VCL: variants seen among roughly 807,000 people sequenced by gnomAD.
VCL encodes the protein vinculin.
VCL carries 47 observed loss-of-function variants against 125.7 expected under a neutral mutation model. The observed-to-expected ratio is 0.37, with a 90% confidence interval of 0.30 to 0.48. VCL has a LOEUF of 0.48. VCL is among the 20% of genes least tolerant of loss of function. The pLI is 0.99. For missense variants in VCL, 1,069 were observed against 1,455.5 expected (o/e 0.73, Z 4.32); for synonymous variants, 458 against 514.6 (o/e 0.89, Z 1.49).
At chr10:74,007,123 C>T (rs149048720) in intron 1 of VCL, among the ~76,000 whole-genome samples, 1 of 152,190 alleles carries the variant, frequency 6.6e-6, no homozygotes, top group East Asian at 1.9e-4. Flanking sequence ...CCATCATGCC[C>T]AACTATTTTT....
intron 10 of VCL, among the ~76,000 whole-genome samples, chr10:74,091,465 A>G (rs1486919374): frequency 6.6e-6 from 1 of 152,164 alleles, no homozygotes; most frequent in East Asian, 1.9e-4. Flanking sequence ...ATAAAAATTT[A>G]GAATCATAAA....
chr10:74,054,885 C>T (rs528280269), intron 2 of VCL, among the ~76,000 whole-genome samples: 45 of 151,992 alleles, frequency 3.0e-4, no homozygotes, highest in African/African-American at 1.0e-3. Flanking sequence ...CACGCCATTG[C>T]ACTTCAGCCT....
chr10:74,108,129 C>A (rs529315752), intron 17 of VCL, among the ~76,000 whole-genome samples: 9 of 152,312 alleles, frequency 5.9e-5, no homozygotes, highest in African/African-American at 1.9e-4. Context: ...AGCTAAGGAA[C>A]AGTGTTTCCC....
chr10:74,109,293 T>C (rs1426458281), intron 18 of VCL, 137 bp downstream of exon 18: 26 of 1,098,362 alleles, frequency 2.4e-5, no homozygotes, highest in African/African-American at 4.7e-5. Context: ...CAATAGCATA[T>C]TCCTCTTCTT....
chr10:74,100,365 T>C (rs530820721), intron 13 of VCL, among the ~76,000 whole-genome samples: 1 of 152,366 alleles, frequency 6.6e-6, no homozygotes, highest in Admixed American at 6.5e-5. Flanking sequence ...TTAATAAAAG[T>C]CAGTCATCCT....
intron 2 of VCL, among the ~76,000 whole-genome samples, chr10:74,051,433 C>G (rs1456120428): frequency 6.6e-6 from 1 of 152,176 alleles, no homozygotes; most frequent in Non-Finnish European, 1.5e-5. Context: ...GATGGGATTT[C>G]AGCATGTTGG....
chr10:74,103,779 C>T (rs750526665), intron 14 of VCL, 41 bp from the exon 15 acceptor site: 2 of 1,580,154 alleles, frequency 1.3e-6, no homozygotes, highest in Non-Finnish European at 1.7e-6. Context: ...ATCTGGAGAG[C>T]AAGGGTGCTC....
intron 15 of VCL, among the ~76,000 whole-genome samples, chr10:74,104,445 T>C (rs1314691762): frequency 6.6e-6 from 1 of 152,152 alleles, no homozygotes; most frequent in African/African-American, 2.4e-5. Flanking sequence ...CACCTCTGAA[T>C]CGTCTTCATT....
At chr10:74,095,975 G>C (rs532500800) in intron 12 of VCL, 120 bp downstream of exon 12, 216 of 1,233,924 alleles carry the variant, frequency 1.8e-4, no homozygotes, top group Middle Eastern at 2.7e-4. Flanking sequence ...AATGAAAAGA[G>C]TGTGACCAAA....
intron 1 of VCL, among the ~76,000 whole-genome samples, chr10:74,008,474 C>T (rs1204049632): frequency 2.0e-5 from 3 of 152,102 alleles, no homozygotes; most frequent in Non-Finnish European, 4.4e-5. Flanking sequence ...TTGGGAGTGC[C>T]TTTTTAAAAT....
chr10:74,112,534 G>C (rs1840242617), intron 19 of VCL, among the ~76,000 whole-genome samples: 1 of 152,166 alleles, frequency 6.6e-6, no homozygotes, highest in South Asian at 2.1e-4. Context: ...AGGGAGAGTT[G>C]ATGAGGGGGA....
chr10:74,059,255 A>G (rs565732812), intron 2 of VCL, among the ~76,000 whole-genome samples: 1 of 152,146 alleles, frequency 6.6e-6, no homozygotes, highest in East Asian at 1.9e-4. Flanking sequence ...CTGGGAGGCT[A>G]AGGCTTGAGA....
intron 8 of VCL, 101 bp downstream of exon 8, chr10:74,083,614 C>A: frequency 1.4e-6 from 2 of 1,421,848 alleles, no homozygotes; most frequent in Non-Finnish European, 1.9e-6. Flanking sequence ...ATCTCTTTGG[C>A]TAGTAGATAA....
chr10:74,112,190 A>G, intron 19 of VCL, 78 bp downstream of exon 19: 2 of 1,558,222 alleles, frequency 1.3e-6, no homozygotes, highest in South Asian at 1.1e-5. Flanking sequence ...TGCATCACTC[A>G]TGATCTGTGC....
chr10:74,121,311 A>C (rs1426514143), downstream of VCL: 1 of 152,226 alleles, frequency 6.6e-6, no homozygotes, highest in Non-Finnish European at 1.5e-5. Flanking sequence ...GCACCACTTA[A>C]GGAATGAACC....
chr10:74,050,144 GC>G (rs1841273790), intron 2 of VCL, among the ~76,000 whole-genome samples: 1 of 152,172 alleles, frequency 6.6e-6, no homozygotes, highest in Non-Finnish European at 1.5e-5. Flanking sequence ...CTGTTGGCAG[GC>G]AAATGACAGC....
At chr10:74,000,259 C>CTTTTTT (rs34197555) in intron 1 of VCL, among the ~76,000 whole-genome samples, 9 of 114,824 alleles carry the variant, frequency 7.8e-5, no homozygotes, top group African/African-American at 1.7e-4. Flanking sequence ...TTGTATTTTG[C>CTTTTTT]TTTTTTTTTT....
chr10:74,036,448 C>T (rs1840979512), intron 1 of VCL, among the ~76,000 whole-genome samples: 1 of 152,100 alleles, frequency 6.6e-6, no homozygotes, highest in African/African-American at 2.4e-5. Flanking sequence ...GGTGATCCAC[C>T]CGCCTTGGCC....
chr10:74,027,607 T>A (rs1840797561), intron 1 of VCL: 1 of 137,900 alleles, frequency 7.3e-6, no homozygotes, highest in African/African-American at 2.8e-5. Context: ...GTTGCAGCCA[T>A]TGCGCTCCAG....
Sources: allele counts gnomAD v4.1 joint callset (sites outside exome capture counted in the v4.1 genomes callset), GRCh38; gene constraint gnomAD v4.1.1; transcripts MANE v1.5; gene names NCBI Gene and HGNC (gene_info 2026-07-23, HGNC 2026-07-21).